Variants in CDH13 observed in about 807,000 individuals in gnomAD.
The protein encoded by CDH13 is cadherin 13.
Under a neutral mutation model 63.8 loss-of-function variants are expected in CDH13, and 24 were observed. The observed-to-expected ratio is 0.38, with a 90% confidence interval of 0.27 to 0.53. The LOEUF (loss-of-function observed/expected upper bound fraction) is 0.53, where lower values mean the gene tolerates loss of function less well. Ranked by LOEUF, CDH13 falls within the 20% of genes least tolerant of loss-of-function variation. The pLI, the probability that CDH13 is intolerant of heterozygous loss-of-function variation, is 0.85. For synonymous variants in CDH13, 503 were observed against 355.3 expected, an observed-to-expected ratio of 1.42 and a Z score of -4.67; for missense variants, 1,049 against 903.1, an observed-to-expected ratio of 1.16 and a Z score of -2.07.
At chr16:82,853,590 G>C (rs2039577090) in intron 1 of CDH13, among the ~76,000 whole-genome samples, 1 of 152,190 alleles carries the variant, frequency 6.6e-6, no homozygotes, top group African/African-American at 2.4e-5. Context: ...TGGTAAACGA[G>C]ATTCACACTG....
At chr16:83,650,579 T>C (rs926438962) in intron 8 of CDH13, among the ~76,000 whole-genome samples, 3 of 152,156 alleles carry the variant, frequency 2.0e-5, no homozygotes, top group African/African-American at 7.2e-5. Flanking sequence ...CACCCAACAA[T>C]GTCTGAACAC....
intron 5 of CDH13, among the ~76,000 whole-genome samples, chr16:83,254,977 T>TCAGTGCTCC (rs1906063141): frequency 4.4e-5 from 1 of 22,852 alleles, no homozygotes; most frequent in Non-Finnish European, 1.2e-4. Flanking sequence ...CTTTCTTTCT[T>TCAGTGCTCC]TCTTTCTTTC....
intron 2 of CDH13, among the ~76,000 whole-genome samples, chr16:82,938,201 C>T (rs1342849254): frequency 6.6e-6 from 1 of 152,162 alleles, no homozygotes; most frequent in Non-Finnish European, 1.5e-5. Context: ...TTTTCAACAG[C>T]TATTTTTCCA....
At chr16:83,212,681 CA>C (rs1178597207) in intron 4 of CDH13, among the ~76,000 whole-genome samples, 1 of 152,196 alleles carries the variant, frequency 6.6e-6, no homozygotes, top group Non-Finnish European at 1.5e-5. Flanking sequence ...TGATACTCAA[CA>C]GGGATGGTGC....
At chr16:82,949,666 C>G (rs1905093845) in intron 2 of CDH13, among the ~76,000 whole-genome samples, 1 of 152,148 alleles carries the variant, frequency 6.6e-6, no homozygotes, top group African/African-American at 2.4e-5. Flanking sequence ...GTGCTAGCAA[C>G]AGTCAGAGAA....
At chr16:82,864,622 G>T (rs986651440) in intron 2 of CDH13, among the ~76,000 whole-genome samples, 4 of 152,032 alleles carry the variant, frequency 2.6e-5, no homozygotes, top group South Asian at 4.2e-4. Flanking sequence ...ACCTCCAGCT[G>T]GTCACCCCCT....
intron 6 of CDH13, among the ~76,000 whole-genome samples, chr16:83,385,314 C>A (rs2151422279): frequency 6.6e-6 from 1 of 152,278 alleles, no homozygotes; most frequent in African/African-American, 2.4e-5. Flanking sequence ...GCAGCTAAGG[C>A]ATATTATGAT....
At chr16:83,536,066 C>T (rs1207931996) in intron 7 of CDH13, among the ~76,000 whole-genome samples, 2 of 152,200 alleles carry the variant, frequency 1.3e-5, no homozygotes, top group South Asian at 2.1e-4. Flanking sequence ...CCCAGGACAA[C>T]ATTTGCATGA....
chr16:83,721,898 G>C (rs186660420), intron 10 of CDH13: 2 of 152,220 alleles, frequency 1.3e-5, no homozygotes, highest in Non-Finnish European at 2.9e-5. Flanking sequence ...TCTAGGGACC[G>C]TGGGGAAACC....
At chr16:83,630,754 G>T (rs1910705392) in intron 8 of CDH13, among the ~76,000 whole-genome samples, 1 of 152,192 alleles carries the variant, frequency 6.6e-6, no homozygotes, top group Non-Finnish European at 1.5e-5. Flanking sequence ...AAATTCAACA[G>T]AAGTTTTTAG....
chr16:83,114,048 GA>G (rs2035187592), intron 3 of CDH13, among the ~76,000 whole-genome samples: 1 of 152,246 alleles, frequency 6.6e-6, no homozygotes, highest in East Asian at 1.9e-4. Flanking sequence ...CTCCCCTGAT[GA>G]AAACTGTTAC....
In CDH13 at chr16:83,663,017, A is replaced by G. The variant is rs138326514; in HGVS notation, c.1102-7773A>G. Among the ~76,000 whole-genome samples the G allele has an allele frequency of 1.8e-4, 28 of 152,288 alleles. 1 individual carries two copies. The highest frequency in any genetic ancestry group is 6.5e-4 in the African/African-American group (27 of 41,576). ...AATTTCTCCATTCTTTTGCTTCTCC[A>G]TGCATATTGGATTTCTCTGATAATT... On this transcript the variant is annotated intron_variant, in intron 8 of 13. Transcript: ENST00000567109.
intron 2 of CDH13, among the ~76,000 whole-genome samples, chr16:83,026,833 G>A (rs1380423070): frequency 6.6e-6 from 1 of 152,066 alleles, no homozygotes; most frequent in East Asian, 1.9e-4. Flanking sequence ...CATTCTTTGG[G>A]GCTATGCAAG....
At chr16:83,204,715 A>G (rs1370807234) in intron 4 of CDH13, among the ~76,000 whole-genome samples, 1 of 152,084 alleles carries the variant, frequency 6.6e-6, no homozygotes, top group Admixed American at 6.5e-5. Context: ...GAAACCCCAA[A>G]TTTCAGTTGA....
At chr16:83,751,089 A>T (rs1203553758) in intron 11 of CDH13, among the ~76,000 whole-genome samples, 1 of 152,098 alleles carries the variant, frequency 6.6e-6, no homozygotes, top group Non-Finnish European at 1.5e-5. Flanking sequence ...TGCAAAGATA[A>T]GGGCAGAGAA....
intron 1 of CDH13, among the ~76,000 whole-genome samples, chr16:82,738,422 T>C (rs1444494835): frequency 6.6e-6 from 1 of 152,204 alleles, no homozygotes; most frequent in Non-Finnish European, 1.5e-5. Flanking sequence ...AGTCCTCACC[T>C]GAAATCTCTC....
intron 2 of CDH13, among the ~76,000 whole-genome samples, chr16:82,985,834 G>C (rs1910867216): frequency 6.6e-6 from 1 of 152,152 alleles, no homozygotes. Flanking sequence ...TAGTGAGTGA[G>C]TTCTTATGAG....
chr16:83,743,814 A>T (rs1346514933), intron 10 of CDH13, among the ~76,000 whole-genome samples: 2 of 134,634 alleles, frequency 1.5e-5, no homozygotes, highest in African/African-American at 2.8e-5. Context: ...AGGAGAAAAG[A>T]TGTAATAAAC....
chr16:83,380,417 A>C (rs961506342), intron 6 of CDH13, among the ~76,000 whole-genome samples: 1 of 152,116 alleles, frequency 6.6e-6, no homozygotes, highest in Non-Finnish European at 1.5e-5. Context: ...TTTTGCTCCC[A>C]GCTATTTTTT....
Sources: allele counts gnomAD v4.1 joint callset (sites outside exome capture counted in the v4.1 genomes callset), GRCh38; gene constraint gnomAD v4.1.1; transcripts MANE v1.5; gene names NCBI Gene and HGNC (gene_info 2026-07-23, HGNC 2026-07-21).